Variants in ATP11A observed in about 807,000 individuals in gnomAD.
ATP11A encodes ATPase phospholipid transporting 11A.
Under a neutral mutation model 154.4 loss-of-function variants are expected in ATP11A, and 81 were observed. The ratio of observed to expected loss-of-function variants is 0.52; its 90% CI spans 0.44 to 0.63. The LOEUF is 0.63. Among genes scored for constraint, ATP11A ranks in the 30% least tolerant of loss-of-function variants. ATP11A has a pLI of 0.00. For missense variants in ATP11A, 1,316 were observed against 1,474.3 expected (o/e 0.89, Z 1.76); for synonymous variants, 623 against 585.9 (o/e 1.06, Z -0.91).
chr13:112,881,266 G>A, intron 29 of ATP11A: 1 of 992,412 alleles, frequency 1.0e-6, no homozygotes, highest in Non-Finnish European at 1.2e-6. Context: ...GCACATCCGG[G>A]GCCCCAGTGG....
At chr13:112,863,727 C>A (rs1166553888) in intron 25 of ATP11A, among the ~76,000 whole-genome samples, 1 of 107,610 alleles carries the variant, frequency 9.3e-6, no homozygotes, top group African/African-American at 3.6e-5. Flanking sequence ...GGTCCATCAC[C>A]ACCTGCGCAG....
chr13:112,817,986 C>T (rs553553510), intron 6 of ATP11A, among the ~76,000 whole-genome samples: 42 of 152,358 alleles, frequency 2.8e-4, no homozygotes, highest in Admixed American at 1.1e-3. Context: ...GAAATGGGGA[C>T]AACCCTATCT....
chr13:112,793,515 C>G (rs2077916910), intron 2 of ATP11A, among the ~76,000 whole-genome samples: 1 of 152,180 alleles, frequency 6.6e-6, no homozygotes, highest in East Asian at 1.9e-4. Context: ...GGGCACGTTT[C>G]TTAACAGCCC....
At chr13:112,694,287 G>A (rs886309056) in intron 1 of ATP11A, among the ~76,000 whole-genome samples, 2 of 152,210 alleles carry the variant, frequency 1.3e-5, no homozygotes, top group African/African-American at 4.8e-5. Flanking sequence ...CAAGAATGGG[G>A]AAGCTCTCAG....
At chr13:112,866,263 G>C (rs970820789) in intron 25 of ATP11A, among the ~76,000 whole-genome samples, 1 of 152,166 alleles carries the variant, frequency 6.6e-6, no homozygotes, top group Non-Finnish European at 1.5e-5. Context: ...GTGAATTCCT[G>C]TGTGCTTTGT....
At chr13:112,728,570 G>A (rs992693226) in intron 1 of ATP11A, among the ~76,000 whole-genome samples, 1 of 147,332 alleles carries the variant, frequency 6.8e-6, no homozygotes, top group African/African-American at 2.5e-5. Flanking sequence ...TTACCTGTAT[G>A]TACCGCGTTG....
intron 16 of ATP11A, among the ~76,000 whole-genome samples, chr13:112,840,586 C>T (rs1237272865): frequency 3.3e-5 from 5 of 151,330 alleles, no homozygotes; most frequent in Non-Finnish European, 4.4e-5. Context: ...CTCCCCCATG[C>T]CCTCCAGCCT....
At chr13:112,764,476 G>C (rs924747365) in intron 1 of ATP11A, among the ~76,000 whole-genome samples, 3 of 152,192 alleles carry the variant, frequency 2.0e-5, no homozygotes, top group African/African-American at 7.2e-5. Flanking sequence ...ACCTCCTGAT[G>C]ATGAGCAGAA....
chr13:112,731,369 C>G lies in ATP11A; in HGVS notation c.39+40914C>G, dbSNP rs534205581. On this transcript the variant is annotated intron_variant, in intron 1 of 29. Coordinates refer to ENST00000375645, the MANE Select transcript of ATP11A (RefSeq NM_015205.3). ...AAAGAAAACAGAAATGCCATCTAAG[C>G]AGAAATAGAAACTAAGTATCAGAAC... Among the ~76,000 whole-genome samples, 5 of 152,264 alleles carry G rather than the reference C, an allele frequency of 3.3e-5. No homozygotes were observed. In the South Asian group the frequency reaches 1.0e-3, roughly 32 times the overall value.
At chr13:112,762,817 C>T (rs533998721) in intron 1 of ATP11A, among the ~76,000 whole-genome samples, 5 of 152,210 alleles carry the variant, frequency 3.3e-5, no homozygotes, top group Non-Finnish European at 5.9e-5. Flanking sequence ...ACGGGCAGCC[C>T]TCCAGGAGTG....
intron 1 of ATP11A, among the ~76,000 whole-genome samples, chr13:112,711,377 G>A (rs1372787394): frequency 6.6e-6 from 1 of 152,172 alleles, no homozygotes; most frequent in Non-Finnish European, 1.5e-5. Flanking sequence ...CGAGGTGGGA[G>A]GATCAGATCC....
intron 27 of ATP11A, 148 bp downstream of exon 27, chr13:112,873,824 TCCTGGGATACAGTCGGGGG>T (rs77189039): frequency 0.2 from 144,061 of 737,780 alleles, 15,758 homozygotes; most frequent in Admixed American, 0.26. Flanking sequence ...TGTCGTGGGG[TCCTGGGATACAGTCGGGGG>T]CAAGACACCG....
At chr13:112,832,401 G>A (rs1027909104) in intron 13 of ATP11A, among the ~76,000 whole-genome samples, 3 of 152,224 alleles carry the variant, frequency 2.0e-5, no homozygotes, top group Admixed American at 2.0e-4. Flanking sequence ...TGAGTCAACA[G>A]CAGGAGCGCC....
intron 5 of ATP11A, among the ~76,000 whole-genome samples, chr13:112,815,830 G>T (rs2078630577): frequency 6.6e-6 from 1 of 152,142 alleles, no homozygotes; most frequent in Non-Finnish European, 1.5e-5. Flanking sequence ...TCGTCGTCTT[G>T]GTCTGAATCA....
intron 1 of ATP11A, among the ~76,000 whole-genome samples, chr13:112,781,959 T>C (rs1352043020): frequency 6.6e-6 from 1 of 152,184 alleles, no homozygotes; most frequent in African/African-American, 2.4e-5. Context: ...TCCAATCTGG[T>C]GTCTGTTATG....
At chr13:112,780,252 A>G (rs1208832733) in intron 1 of ATP11A, among the ~76,000 whole-genome samples, 1 of 152,106 alleles carries the variant, frequency 6.6e-6, no homozygotes, top group Non-Finnish European at 1.5e-5. Flanking sequence ...TGCACCCACC[A>G]CCACCCTCCA....
Position 112,797,734 on chromosome 13 carries a change from C to G in ATP11A, c.163-7223C>G, listed in dbSNP as rs537748314. On this transcript the variant is annotated intron_variant, in intron 2 of 29. Transcript: ENST00000375645. ...CTTTTTCAGGCAAACAAAAATTGAG[C>G]GAATTCATTGCCAGTAGACCTCCCT... is the stretch of plus-strand genomic sequence containing the variant. 9.1e-4 allele frequency among the ~76,000 whole-genome samples: 139 copies of G among 152,212 alleles called. 1 individual carries two copies. The highest frequency in any genetic ancestry group is 3.2e-3 in the African/African-American group (134 of 41,528).
At chr13:112,827,336 C>T (rs1165218499) in intron 12 of ATP11A, among the ~76,000 whole-genome samples, 1 of 152,254 alleles carries the variant, frequency 6.6e-6, no homozygotes, top group Non-Finnish European at 1.5e-5. Flanking sequence ...TGCATGATGG[C>T]TGCGGGAGCT....
intron 1 of ATP11A, among the ~76,000 whole-genome samples, chr13:112,708,527 G>A (rs1399599673): frequency 6.6e-6 from 1 of 152,212 alleles, no homozygotes; most frequent in Non-Finnish European, 1.5e-5. Flanking sequence ...CTTCGCAGTT[G>A]ACAGAAAAGT....
Sources: allele counts gnomAD v4.1 joint callset (sites outside exome capture counted in the v4.1 genomes callset), GRCh38; gene constraint gnomAD v4.1.1; transcripts MANE v1.5; gene names NCBI Gene and HGNC (gene_info 2026-07-23, HGNC 2026-07-21).